CNTNAP2: variants seen among roughly 807,000 people sequenced by gnomAD.
CNTNAP2 encodes the protein contactin associated protein 2.
Under a neutral mutation model 155.2 loss-of-function variants are expected in CNTNAP2, and 98 were observed. That is an observed-to-expected ratio of 0.63 (90% CI 0.54 to 0.75). The LOEUF (loss-of-function observed/expected upper bound fraction) is 0.75. CNTNAP2 is among the 30% of genes least tolerant of loss of function. The probability of loss-of-function intolerance (pLI) is 0.00; values close to 1 mark genes in which losing one functional copy is unlikely to be tolerated. For synonymous variants in CNTNAP2, 651 were observed against 631.2 expected (o/e 1.03, Z -0.47); for missense variants, 1,727 against 1,688.1 (o/e 1.02, Z -0.40).
intron 21 of CNTNAP2, among the ~76,000 whole-genome samples, chr7:148,361,724 A>G (rs774959001): frequency 3.5e-4 from 54 of 152,230 alleles, no homozygotes; most frequent in Non-Finnish European, 4.6e-4. Context: ...TCACGCTGCT[A>G]TGAAGAAATG....
intron 1 of CNTNAP2, among the ~76,000 whole-genome samples, chr7:146,342,035 G>A (rs73465954): frequency 0.035 from 5,321 of 152,188 alleles, 304 homozygotes; most frequent in African/African-American, 0.12. Flanking sequence ...CAACTGGATT[G>A]TTGAAATAAA....
chr7:147,392,150 C>T (rs1028116559), intron 9 of CNTNAP2, among the ~76,000 whole-genome samples: 1 of 152,008 alleles, frequency 6.6e-6, no homozygotes, highest in Non-Finnish European at 1.5e-5. Flanking sequence ...CTAATTTTCT[C>T]TAATTTCTGA....
intron 8 of CNTNAP2, among the ~76,000 whole-genome samples, chr7:147,154,071 G>A (rs1404224657): frequency 6.6e-6 from 1 of 151,852 alleles, no homozygotes; most frequent in Non-Finnish European, 1.5e-5. Context: ...ACATCAAGGA[G>A]AAGATCTGAT....
intron 14 of CNTNAP2, among the ~76,000 whole-genome samples, chr7:147,948,090 A>G (rs1357260898): frequency 7.2e-5 from 11 of 152,202 alleles, no homozygotes; most frequent in Admixed American, 7.2e-4. Flanking sequence ...AGCCATGTAT[A>G]TGCAGATTTG....
At chr7:148,369,470 C>A (rs1159116287) in intron 21 of CNTNAP2, among the ~76,000 whole-genome samples, 1 of 151,610 alleles carries the variant, frequency 6.6e-6, no homozygotes, top group Non-Finnish European at 1.5e-5. Flanking sequence ...GTCTCGAACT[C>A]CTGGCCTCAA....
intron 3 of CNTNAP2, among the ~76,000 whole-genome samples, chr7:146,939,915 T>C (rs1175861136): frequency 6.6e-6 from 1 of 152,164 alleles, no homozygotes; most frequent in East Asian, 1.9e-4. Context: ...TTACATTTTA[T>C]TTTTGACTGC....
At chr7:147,284,987 T>C (rs1427101786) in intron 8 of CNTNAP2, among the ~76,000 whole-genome samples, 2 of 151,854 alleles carry the variant, frequency 1.3e-5, no homozygotes, top group East Asian at 3.9e-4. Flanking sequence ...AAGCACTGAG[T>C]TTTTGCCTAT....
intron 1 of CNTNAP2, among the ~76,000 whole-genome samples, chr7:146,608,044 T>C (rs901216002): frequency 6.6e-6 from 1 of 152,192 alleles, no homozygotes; most frequent in Non-Finnish European, 1.5e-5. Flanking sequence ...CCTTGCAATG[T>C]TATCTATATT....
At position 146,136,370 on chromosome 7, in the gene CNTNAP2, A is replaced by G. The variant is rs766150975; in HGVS notation, c.97+19397A>G. 2.0e-5 allele frequency among the ~76,000 whole-genome samples: 3 copies of G among 152,306 alleles called. No individual in the cohort carries two copies. The South Asian group carries it at 6.2e-4, about 32-fold the overall frequency. On this transcript the variant is annotated intron_variant, in intron 1 of 23. Coordinates refer to ENST00000361727, the MANE Select transcript of CNTNAP2 (RefSeq NM_014141.6). ...AGACAACTAAGGGTCAGTCTTTTCT[A>G]TGATAATGGACTCACAAGGGACCTC...
chr7:147,440,587 C>T (rs1797620583), intron 10 of CNTNAP2, among the ~76,000 whole-genome samples: 1 of 152,088 alleles, frequency 6.6e-6, no homozygotes, highest in Non-Finnish European at 1.5e-5. Flanking sequence ...TCTTATTGCT[C>T]ATTAACATTC....
chr7:146,685,526 T>C (rs1800582080), intron 1 of CNTNAP2, among the ~76,000 whole-genome samples: 1 of 152,216 alleles, frequency 6.6e-6, no homozygotes, highest in Non-Finnish European at 1.5e-5. Context: ...CTTTCTCAGA[T>C]ATGACTTTTG....
At chr7:148,042,681 A>G (rs1802700993) in intron 15 of CNTNAP2, among the ~76,000 whole-genome samples, 2 of 152,124 alleles carry the variant, frequency 1.3e-5, no homozygotes, top group African/African-American at 4.8e-5. Context: ...CTGGGTATTC[A>G]CGATCCATGC....
At chr7:146,521,294 A>AT (rs1797612950) in intron 1 of CNTNAP2, among the ~76,000 whole-genome samples, 1 of 151,956 alleles carries the variant, frequency 6.6e-6, no homozygotes, top group Non-Finnish European at 1.5e-5. Flanking sequence ...CTGTGTTTCC[A>AT]TAAAACTTTA....
At chr7:147,506,299 A>G (rs2116679220) in intron 11 of CNTNAP2, among the ~76,000 whole-genome samples, 1 of 152,286 alleles carries the variant, frequency 6.6e-6, no homozygotes, top group Non-Finnish European at 1.5e-5. Flanking sequence ...CTTGTTGCTC[A>G]GGTTACAGTG....
rs144167697 is a variant in CNTNAP2, at chr7:147,943,253, A to G, written c.2256-34609A>G. On this transcript the variant is annotated intron_variant, in intron 14 of 23. Coordinates refer to ENST00000361727, the MANE Select transcript of CNTNAP2 (RefSeq NM_014141.6). ...CTTGCTGATGGTAGATTAACTTTTCATGTAACTTTATTTATTTTACTGTTG... is the reference window on the plus strand; with the variant it reads ...CTTGCTGATGGTAGATTAACTTTTCGTGTAACTTTATTTATTTTACTGTTG... 2.9e-3 allele frequency among the ~76,000 whole-genome samples: 447 copies of G among 152,260 alleles called. 1 individual carries two copies. The highest frequency in any genetic ancestry group is 0.01 in the African/African-American group (425 of 41,558).
intron 14 of CNTNAP2, among the ~76,000 whole-genome samples, chr7:147,971,482 C>CA (rs56962242): frequency 0.13 from 19,602 of 152,002 alleles, 1,980 homozygotes; most frequent in African/African-American, 0.29. Flanking sequence ...ACTCCCAGCC[C>CA]GACAACCACT....
chr7:148,085,913 C>T (rs1042766860), intron 15 of CNTNAP2, among the ~76,000 whole-genome samples: 7 of 152,204 alleles, frequency 4.6e-5, no homozygotes, highest in African/African-American at 1.7e-4. Flanking sequence ...GATACTATGA[C>T]ACAGACAACC....
intron 8 of CNTNAP2, among the ~76,000 whole-genome samples, chr7:147,260,008 A>G (rs1804420848): frequency 6.6e-6 from 1 of 152,212 alleles, no homozygotes; most frequent in South Asian, 2.1e-4. Flanking sequence ...TCATTGGGTC[A>G]GTCTTGTTGG....
chr7:147,661,636 C>T (rs28575618), intron 13 of CNTNAP2, among the ~76,000 whole-genome samples: 13,164 of 151,716 alleles, frequency 0.087, 956 homozygotes, highest in Admixed American at 0.19. Flanking sequence ...CACTACGACC[C>T]CTGCCTGCTG....
Sources: allele counts gnomAD v4.1 joint callset (sites outside exome capture counted in the v4.1 genomes callset), GRCh38; gene constraint gnomAD v4.1.1; transcripts MANE v1.5; gene names NCBI Gene and HGNC (gene_info 2026-07-23, HGNC 2026-07-21).